Variants in FGF12 observed in about 807,000 individuals in gnomAD.
FGF12 encodes the protein fibroblast growth factor 12B.
A neutral mutation model predicts 23.6 loss-of-function variants in FGF12; 14 were observed. The ratio of observed to expected loss-of-function variants is 0.59; its 90% confidence interval spans 0.39 to 0.93. The LOEUF is 0.93. Ranked by LOEUF, FGF12 falls within the 40% of genes least tolerant of loss-of-function variation. The pLI is 0.00. For missense variants in FGF12, 175 were observed against 217.8 expected, an observed-to-expected ratio of 0.80 and a Z score of 1.24; for synonymous variants, 62 against 77.3, an observed-to-expected ratio of 0.80 and a Z score of 1.04.
At chr3:192,329,388 A>G (rs1168561405) in intron 4 of FGF12, among the ~76,000 whole-genome samples, 2 of 152,210 alleles carry the variant, frequency 1.3e-5, no homozygotes, top group African/African-American at 4.8e-5. Context: ...TACTCTTTAC[A>G]TATTTTATCA....
At chr3:192,556,737 T>A (rs551061464) in intron 2 of FGF12, among the ~76,000 whole-genome samples, 1 of 152,124 alleles carries the variant, frequency 6.6e-6, no homozygotes, top group Admixed American at 6.6e-5. Context: ...ACACAAAACA[T>A]TCTCCAGGAT....
chr3:192,249,274 G>T lies in FGF12; in HGVS notation c.229-78618C>A, dbSNP rs762317228. ...TATAGAGAACTCAAGTATGAATCTA[G>T]TATTTCATTTTAAAAACTTGTCTGA... is the stretch of plus-strand genomic sequence containing the variant. On this transcript the variant is annotated intron_variant, in intron 4 of 5. Coordinates refer to ENST00000445105, the MANE Select transcript of FGF12 (RefSeq NM_004113.6). Among the ~76,000 whole-genome samples the T allele has an allele frequency of 6.4e-4, 98 of 152,230 alleles. 1 individual carries two copies. The highest frequency in any genetic ancestry group is 3.4e-3 in the Middle Eastern group (1 of 294).
chr3:192,501,511 G>A (rs2108833195), intron 2 of FGF12, among the ~76,000 whole-genome samples: 1 of 152,142 alleles, frequency 6.6e-6, no homozygotes, highest in South Asian at 2.1e-4. Flanking sequence ...ATTGCATTTT[G>A]GAAAACAAAA....
At chr3:192,613,894 A>T (rs1389890375) in intron 2 of FGF12, among the ~76,000 whole-genome samples, 1 of 151,952 alleles carries the variant, frequency 6.6e-6, no homozygotes, top group African/African-American at 2.4e-5. Context: ...AATTGCAATA[A>T]GGCCATTACA....
chr3:192,328,247 C>T (rs2108688892), intron 4 of FGF12, among the ~76,000 whole-genome samples: 1 of 152,290 alleles, frequency 6.6e-6, no homozygotes, highest in East Asian at 1.9e-4. Context: ...TTTGTGTTTT[C>T]CTGAGAGCCT....
chr3:192,152,459 A>T (rs1283963150), intron 5 of FGF12, among the ~76,000 whole-genome samples: 1 of 147,034 alleles, frequency 6.8e-6, no homozygotes, highest in Admixed American at 6.8e-5. Flanking sequence ...TTAGTGCTAT[A>T]AATTTCCCTC....
At chr3:192,290,596 T>C (rs1391247122) in intron 4 of FGF12, among the ~76,000 whole-genome samples, 2 of 152,176 alleles carry the variant, frequency 1.3e-5, no homozygotes, top group African/African-American at 2.4e-5. Flanking sequence ...GCATGCTACC[T>C]GACACTAACA....
At chr3:192,454,088 C>T (rs563855430) in intron 2 of FGF12, among the ~76,000 whole-genome samples, 5 of 151,936 alleles carry the variant, frequency 3.3e-5, no homozygotes, top group African/African-American at 9.7e-5. Flanking sequence ...GCCCAGGCTG[C>T]AGTGCAGTGA....
At chr3:192,353,618 C>T (rs946132288) in intron 3 of FGF12, among the ~76,000 whole-genome samples, 7 of 152,030 alleles carry the variant, frequency 4.6e-5, no homozygotes, top group Non-Finnish European at 1.0e-4. Flanking sequence ...ATCCGCCAGC[C>T]TCGGCCTCCC....
Position 192,378,167 on chromosome 3 carries a change from G to A in FGF12, c.14-17629C>T, listed in dbSNP as rs144494567. Among the ~76,000 whole-genome samples, 42 of 147,594 alleles carry A rather than the reference G, an allele frequency of 2.8e-4. No homozygotes were observed. In the East Asian group the frequency reaches 7.9e-3, roughly 28 times the overall value. The stretch of plus-strand genomic sequence containing the variant: ...ACTCTGTCGGCCAGGCTGGAGTGTA[G>A]TGGTGAGATCACAGCTCACTGCAGC... On this transcript the variant is annotated intron_variant, in intron 2 of 5. Transcript: ENST00000445105.
intron 2 of FGF12, among the ~76,000 whole-genome samples, chr3:192,364,306 A>C (rs1718874328): frequency 6.6e-6 from 1 of 152,212 alleles, no homozygotes; most frequent in African/African-American, 2.4e-5. Context: ...TTTCCAGTTT[A>C]TATGACTCCT....
At chr3:192,565,372 C>G (rs1458205311) in intron 2 of FGF12, among the ~76,000 whole-genome samples, 1 of 152,214 alleles carries the variant, frequency 6.6e-6, no homozygotes, top group Admixed American at 6.5e-5. Context: ...ATTATAGGCA[C>G]TGATGTGAAT....
intron 4 of FGF12, among the ~76,000 whole-genome samples, chr3:192,312,440 C>A (rs74925850): frequency 0.037 from 5,499 of 147,222 alleles, 331 homozygotes; most frequent in African/African-American, 0.13. Flanking sequence ...ATTCAGATTT[C>A]TTAAGGTCTT....
intron 2 of FGF12, among the ~76,000 whole-genome samples, chr3:192,614,057 A>G (rs1030565972): frequency 1.3e-5 from 2 of 151,880 alleles, no homozygotes; most frequent in African/African-American, 4.8e-5. Flanking sequence ...CACTGAAGAC[A>G]TTGTTATTCA....
At position 192,408,139 on chromosome 3, in the gene FGF12, G is replaced by A. The variant is rs1721041366; in HGVS notation, c.14-47601C>T. On this transcript the variant is annotated intron_variant, in intron 2 of 5. Coordinates refer to ENST00000445105, the MANE Select transcript of FGF12 (RefSeq NM_004113.6). This position sits in a 1 kb window ranked among gnomAD's most constrained non-coding sequence, Gnocchi z 7.3. ...CCGTCTTTGCTGGGGCTGGAGCGGC[G>A]CTTGGAGGCCGACACTCGGTCGCTG... 1 of 1,612,194 alleles carries A rather than the reference G, an allele frequency of 6.2e-7. No individual in the cohort carries two copies. The highest frequency in any genetic ancestry group is 1.3e-5 in the African/African-American group (1 of 74,932).
chr3:192,379,614 T>C (rs1719731373), intron 2 of FGF12, among the ~76,000 whole-genome samples: 1 of 152,244 alleles, frequency 6.6e-6, no homozygotes, highest in African/African-American at 2.4e-5. Flanking sequence ...AAATTTCACA[T>C]ATACGCGTGC....
chr3:192,177,300 A>G (rs1336152009), intron 4 of FGF12, among the ~76,000 whole-genome samples: 1 of 152,238 alleles, frequency 6.6e-6, no homozygotes, highest in Non-Finnish European at 1.5e-5. Flanking sequence ...TTTGATAACT[A>G]CAAAGGCCTA....
At chr3:192,253,378 G>A (rs1332786219) in intron 4 of FGF12, among the ~76,000 whole-genome samples, 1 of 151,898 alleles carries the variant, frequency 6.6e-6, no homozygotes, top group Admixed American at 6.6e-5. Flanking sequence ...CAAGAGTAAC[G>A]CATATTACAT....
rs568570958 is a variant in FGF12 at position 192,576,887 on chromosome 3, C to A, written c.13+150294G>T. Among the ~76,000 whole-genome samples the A allele has an allele frequency of 2.8e-4, 43 of 152,060 alleles. 1 individual carries two copies. Among genetic ancestry groups the A allele is most frequent in the Non-Finnish European group, 4.1e-4 (28 of 68,020 alleles). On this transcript the variant is annotated intron_variant, in intron 2 of 5. Transcript: ENST00000445105. ...AATACTATGCAGCCATAAAAAAGGA[C>A]GAGTTCATGTTCTTTGCAGGGACAG...
Sources: gnomAD v4.1 joint callset for allele counts (sites outside exome capture counted in the v4.1 genomes callset) on GRCh38, gnomAD v4.1.1 for gene constraint, Gnocchi (gnomAD v3.1) non-coding constraint, MANE v1.5 for transcripts, NCBI Gene and HGNC (gene_info 2026-07-23, HGNC 2026-07-21) for gene names.